The following WAPL variants were observed in gnomAD, a reference collection of about 807,000 sequenced individuals.
WAPL encodes the protein wings apart-like protein homolog.
A neutral mutation model predicts 121.0 loss-of-function variants in WAPL; 5 were observed. The ratio of observed to expected loss-of-function variants is 0.04; its 90% CI spans 0.02 to 0.09. The LOEUF (loss-of-function observed/expected upper bound fraction) is 0.09, where lower values mean the gene tolerates loss of function less well. Ranked by LOEUF, WAPL falls within the 10% of genes least tolerant of loss-of-function variation. The pLI is 1.00. For missense variants in WAPL, 999 were observed against 1,410.8 expected (o/e 0.71, Z 4.68); for synonymous variants, 480 against 481.5 (o/e 1.00, Z 0.04).
chr10:86,521,610 C>T lies in WAPL; in HGVS notation c.-268G>A, dbSNP rs142142942. 0.011 allele frequency: 5,196 copies of T among 455,124 alleles called. 51 individuals are homozygous for T. Among genetic ancestry groups the T allele is most frequent in the Non-Finnish European group, 0.019 (4,120 of 221,418 alleles). The allele number at this position is 455,124 out of a possible 1,614,324, so 28.2% of individuals were successfully genotyped here. ...GCCCAGGCCTAGCTCTCGCTGGCCGCCACTGCTGGAGCTGGTAACAGAGCC... is the reference window on the plus strand; with the variant it reads ...GCCCAGGCCTAGCTCTCGCTGGCCGTCACTGCTGGAGCTGGTAACAGAGCC... On this transcript the variant is annotated 5_prime_UTR_variant, in exon 1 of 19. Coordinates refer to ENST00000298767, the MANE Select transcript of WAPL (RefSeq NM_015045.5).
intron 4 of WAPL, among the ~76,000 whole-genome samples, chr10:86,479,350 CG>C (rs1169964397): frequency 6.6e-6 from 1 of 152,056 alleles, no homozygotes; most frequent in Non-Finnish European, 1.5e-5. Flanking sequence ...CTGCGCCTCC[CG>C]GGTTCAAGCG....
At chr10:86,457,561 G>C (rs950328234) in intron 12 of WAPL, among the ~76,000 whole-genome samples, 1 of 151,926 alleles carries the variant, frequency 6.6e-6, no homozygotes, top group Non-Finnish European at 1.5e-5. Context: ...GCTGAGGCAG[G>C]AGAATCATGT....
At chr10:86,501,940 C>A (rs1236995848) in intron 2 of WAPL, among the ~76,000 whole-genome samples, 2 of 152,230 alleles carry the variant, frequency 1.3e-5, no homozygotes, top group Admixed American at 6.5e-5. Flanking sequence ...AAACGTCCTG[C>A]CTCTGCCTCC....
At position 86,500,659 on chromosome 10, in the gene WAPL, T is replaced by C. The variant is rs529225713; in HGVS notation, c.584A>G (p.Asn195Ser). Residue 195 changes from asparagine to serine, a missense_variant, in exon 3 of 19, where the codon AAT (asparagine) becomes AGT (serine). Asn to Ser is a conservative substitution (Grantham distance 46). Transcript: ENST00000298767. Reference sequence around the variant, plus strand: ...TTCAGAAGCCACTGTAGTTTCTGCATTGGGTTTCTTAGTACTGTCATCAGC... The same window carrying C: ...TTCAGAAGCCACTGTAGTTTCTGCACTGGGTTTCTTAGTACTGTCATCAGC... ...KNADDSTKKP[N>S]AETTVASEIK... 11 of 1,613,484 alleles carry C rather than the reference T, an allele frequency of 6.8e-6. No individual in the cohort carries two copies. Among genetic ancestry groups the C allele is most frequent in the African/African-American group, 6.7e-5 (5 of 74,994 alleles).
chr10:86,499,372 G>GC (rs540320850), intron 3 of WAPL, among the ~76,000 whole-genome samples: 44 of 152,062 alleles, frequency 2.9e-4, no homozygotes, highest in Admixed American at 1.6e-3. Context: ...ATTTAAAGTA[G>GC]CCCCCCCAGC....
At chr10:86,451,885 G>A (rs1840989802) in intron 15 of WAPL, 82 bp downstream of exon 15, 1 of 1,507,062 alleles carries the variant, frequency 6.6e-7, no homozygotes, top group African/African-American at 1.4e-5. Flanking sequence ...AAGAAAAGGA[G>A]GTAAAAGGTG....
chr10:86,491,939 T>C (rs1842056223), intron 4 of WAPL, among the ~76,000 whole-genome samples: 1 of 152,206 alleles, frequency 6.6e-6, no homozygotes, highest in African/African-American at 2.4e-5. Context: ...ACTACAGGTC[T>C]CCTACTGTAC....
At chr10:86,479,892 T>C (rs969014831) in intron 4 of WAPL, among the ~76,000 whole-genome samples, 17 of 152,170 alleles carry the variant, frequency 1.1e-4, no homozygotes, top group South Asian at 6.2e-4. Flanking sequence ...AAAAAGACAA[T>C]TGGAATCAGA....
intron 4 of WAPL, among the ~76,000 whole-genome samples, chr10:86,490,697 T>C (rs1052420701): frequency 2.0e-5 from 3 of 152,180 alleles, no homozygotes; most frequent in Non-Finnish European, 4.4e-5. Flanking sequence ...TTATTGCTCA[T>C]ATTATTGGAA....
intron 2 of WAPL, among the ~76,000 whole-genome samples, chr10:86,504,545 C>T (rs1842308089): frequency 6.7e-6 from 1 of 149,178 alleles, no homozygotes; most frequent in South Asian, 2.2e-4. Context: ...GGCGTAGTAG[C>T]ACACACCTGT....
At chr10:86,475,606 A>G (rs1227371899) in intron 4 of WAPL, among the ~76,000 whole-genome samples, 2 of 152,258 alleles carry the variant, frequency 1.3e-5, no homozygotes, top group African/African-American at 2.4e-5. Flanking sequence ...ATGATGATGC[A>G]TTAGCAATCT....
At chr10:86,506,803 A>G (rs763112884) in intron 2 of WAPL, among the ~76,000 whole-genome samples, 3 of 151,888 alleles carry the variant, frequency 2.0e-5, no homozygotes, top group East Asian at 1.9e-4. Context: ...AAAAAATTAA[A>G]AGGACACCTG....
chr10:86,482,268 G>A (rs1841807456), intron 4 of WAPL, among the ~76,000 whole-genome samples: 2 of 152,176 alleles, frequency 1.3e-5, no homozygotes, highest in Admixed American at 6.5e-5. Flanking sequence ...CAGAAGGCAA[G>A]AAATAATCCT....
intron 4 of WAPL, among the ~76,000 whole-genome samples, chr10:86,491,993 T>C (rs1842056961): frequency 6.6e-6 from 1 of 152,236 alleles, no homozygotes; most frequent in South Asian, 2.1e-4. Flanking sequence ...TGCAAGTATG[T>C]ACTGTCTGAC....
At chr10:86,457,238 C>A (rs1213824139) in intron 12 of WAPL, among the ~76,000 whole-genome samples, 1 of 149,436 alleles carries the variant, frequency 6.7e-6, no homozygotes, top group Admixed American at 6.7e-5. Context: ...GCCTGTAATC[C>A]CAACATTTTG....
At chr10:86,497,090 T>C in intron 4 of WAPL, 111 bp downstream of exon 4, 1 of 909,128 alleles carries the variant, frequency 1.1e-6, no homozygotes, top group Non-Finnish European at 1.7e-6. Flanking sequence ...ACACATATCC[T>C]TTGAAAGACA....
At chr10:86,516,647 TTTAA>T (rs1465514621) in intron 2 of WAPL, among the ~76,000 whole-genome samples, 1 of 152,158 alleles carries the variant, frequency 6.6e-6, no homozygotes, top group Non-Finnish European at 1.5e-5. Context: ...TCTTCAGTCT[TTTAA>T]TTAATTGCAC....
chr10:86,495,335 T>C (rs991405443), intron 4 of WAPL, among the ~76,000 whole-genome samples: 7 of 152,018 alleles, frequency 4.6e-5, no homozygotes, highest in Non-Finnish European at 8.8e-5. Context: ...GGTATCATAA[T>C]GCACGCCTGT....
chr10:86,500,817 TAATC>T, intron 2 of WAPL, 74 bp from the exon 3 acceptor site: 1 of 1,183,496 alleles, frequency 8.4e-7, no homozygotes, highest in Non-Finnish European at 1.2e-6. Flanking sequence ...TATATGTGGT[TAATC>T]AATAGTATAT....
Sources: allele counts gnomAD v4.1 joint callset (sites outside exome capture counted in the v4.1 genomes callset), GRCh38; gene constraint gnomAD v4.1.1; transcripts MANE v1.5; gene names NCBI Gene and HGNC (gene_info 2026-07-23, HGNC 2026-07-21).